Variants in PRDM11 observed in about 807,000 individuals in gnomAD.
The protein encoded by PRDM11 is PR domain-containing protein 11.
In PRDM11, 20 loss-of-function variants were observed where a neutral mutation model predicts 97.8. The observed-to-expected ratio is 0.20, with a 90% CI of 0.14 to 0.30. The LOEUF (loss-of-function observed/expected upper bound fraction) is 0.30. Among genes scored for constraint, PRDM11 ranks in the 10% least tolerant of loss-of-function variants. The pLI, the probability that PRDM11 is intolerant of heterozygous loss-of-function variation, is 1.00. For missense variants in PRDM11, 1,139 were observed against 1,555.2 expected (o/e 0.73, Z 4.50); for synonymous variants, 599 against 637.7 (o/e 0.94, Z 0.91).
At chr11:45,131,071 G>A (rs534425307) in intron 1 of PRDM11, among the ~76,000 whole-genome samples, 1 of 152,288 alleles carries the variant, frequency 6.6e-6, no homozygotes, top group South Asian at 2.1e-4. Flanking sequence ...AGCAAAAAAT[G>A]GAACAAACCT....
rs769570576 is a variant in PRDM11, at chr11:45,182,862, C to T, written c.225C>T (p.Phe75=). 13 of 1,581,022 alleles carry T rather than the reference C, an allele frequency of 8.2e-6. No individual in the cohort carries two copies. The highest frequency in any genetic ancestry group is 1.3e-5 in the African/African-American group (1 of 74,320). ...PKSFQQVDFW[F]CESCQEYFVD... ...TCCCTTCTCTTTCCATCCCTCCAGT[C>T]TGTGAGTCCTGCCAGGAGTACTTCG... The change falls in exon 4 of 8, where the codon TTC becomes TTT. Residue 75 remains phenylalanine, a splice_region_variant and synonymous_variant. Coordinates refer to ENST00000683152, the MANE Select transcript of PRDM11 (RefSeq NM_001384648.1).
At chr11:45,128,133 G>C (rs58195346) in intron 1 of PRDM11, among the ~76,000 whole-genome samples, 1 of 152,174 alleles carries the variant, frequency 6.6e-6, no homozygotes, top group South Asian at 2.1e-4. Context: ...CTCTGTGGGC[G>C]TAGGACCCTC....
intron 1 of PRDM11, among the ~76,000 whole-genome samples, chr11:45,155,335 C>A (rs1203120131): frequency 6.6e-6 from 1 of 152,164 alleles, no homozygotes; most frequent in South Asian, 2.1e-4. Flanking sequence ...TGGGGAGGAG[C>A]CCACCAGACC....
intron 1 of PRDM11, among the ~76,000 whole-genome samples, chr11:45,125,670 T>C (rs1447291523): frequency 6.6e-6 from 1 of 152,246 alleles, no homozygotes; most frequent in African/African-American, 2.4e-5. Flanking sequence ...TTCTTAATCC[T>C]GAGTTCTAGT....
chr11:45,109,233 C>T (rs1437030466), intron 1 of PRDM11, among the ~76,000 whole-genome samples: 3 of 152,196 alleles, frequency 2.0e-5, no homozygotes, highest in Non-Finnish European at 2.9e-5. Context: ...TGAGGAGTGG[C>T]GGTCTCTTGC....
intron 1 of PRDM11, chr11:45,147,377 G>A (rs1250110684): frequency 6.6e-6 from 1 of 152,190 alleles, no homozygotes; most frequent in Admixed American, 6.5e-5. Context: ...CGCGCCGGGG[G>A]CTGCTGCGGG....
intron 4 of PRDM11, among the ~76,000 whole-genome samples, chr11:45,190,123 A>C (rs183637599): frequency 6.6e-6 from 1 of 150,570 alleles, no homozygotes; most frequent in Non-Finnish European, 1.5e-5. Flanking sequence ...CACCACCTAC[A>C]CACACACGTG....
rs765393494 is a variant in PRDM11 at position 45,224,573 on chromosome 11, G to C, written c.1099G>C (p.Val367Leu). 4 of 1,614,002 alleles carry C rather than the reference G, an allele frequency of 2.5e-6. No homozygotes were observed. The South Asian group carries it at 4.4e-5, about 18-fold the overall frequency. The change falls in exon 7 of 8, where the codon GTC (valine) becomes CTC (leucine). Residue 367 changes from valine to leucine, a missense_variant. By Grantham distance (32) the Val-to-Leu change is conservative. Transcript: ENST00000683152. The stretch of plus-strand genomic sequence containing the variant: ...GACCCAGGGGGAGGGGGACTGGAAG[G>C]TCCCCCAGGGGGTCTCCAAGGAGCC... ...GQTQGEGDWK[V>L]PQGVSKEPGQ...
chr11:45,177,137 T>A (rs10742746), intron 1 of PRDM11, among the ~76,000 whole-genome samples: 1 of 152,084 alleles, frequency 6.6e-6, no homozygotes, highest in Admixed American at 6.6e-5. Flanking sequence ...GATCCCCAGT[T>A]CCCTGGCTAC....
intron 1 of PRDM11, among the ~76,000 whole-genome samples, chr11:45,166,266 A>G (rs1308248302): frequency 2.0e-5 from 3 of 152,088 alleles, no homozygotes; most frequent in Non-Finnish European, 4.4e-5. Context: ...AGGCTGTTGT[A>G]TGAGGTGGCA....
At chr11:45,138,776 A>T (rs868147906) in intron 1 of PRDM11, among the ~76,000 whole-genome samples, 2 of 146,986 alleles carry the variant, frequency 1.4e-5, no homozygotes, top group African/African-American at 2.7e-5. Context: ...AAAATCTAAG[A>T]TTTTTTTTTT....
chr11:45,195,111 C>T (rs960196233), intron 4 of PRDM11, among the ~76,000 whole-genome samples: 3 of 151,962 alleles, frequency 2.0e-5, no homozygotes, highest in African/African-American at 7.3e-5. Context: ...TAGGGGGTCA[C>T]TGTTCAAGCA....
At chr11:45,197,119 T>C (rs1189002034) in intron 4 of PRDM11, among the ~76,000 whole-genome samples, 1 of 152,118 alleles carries the variant, frequency 6.6e-6, no homozygotes, top group Non-Finnish European at 1.5e-5. Context: ...AATTTAGGAT[T>C]GTTTGTCAAC....
intron 1 of PRDM11, among the ~76,000 whole-genome samples, chr11:45,168,082 A>G (rs1852110039): frequency 6.6e-6 from 1 of 152,296 alleles, no homozygotes; most frequent in South Asian, 2.1e-4. Context: ...AAGGATTTAG[A>G]TGACTGTTGA....
At chr11:45,175,052 C>G (rs1173932149) in intron 1 of PRDM11, among the ~76,000 whole-genome samples, 1 of 152,200 alleles carries the variant, frequency 6.6e-6, no homozygotes, top group Admixed American at 6.5e-5. Context: ...ATACACCCTG[C>G]CCCCACACAC....
rs139702408 is a variant in PRDM11 at position 45,106,774 on chromosome 11, G to A, written c.96+10873G>A. Among the ~76,000 whole-genome samples the A allele has an allele frequency of 1.4e-4, 22 of 152,306 alleles. No individual in the cohort carries two copies. In the East Asian group the frequency reaches 1.9e-3, roughly 13 times the overall value. ...CAACTGGGTTCTAAGAGTGGATGTCGCAGGAGAGCAAGGCAGAAATGCGTG... is the reference window on the plus strand; with the variant it reads ...CAACTGGGTTCTAAGAGTGGATGTCACAGGAGAGCAAGGCAGAAATGCGTG... On this transcript the variant is annotated intron_variant, in intron 1 of 6. Transcript: ENST00000530656.
chr11:45,216,885 G>A (rs960831190), intron 5 of PRDM11, among the ~76,000 whole-genome samples: 4 of 152,172 alleles, frequency 2.6e-5, no homozygotes, highest in Non-Finnish European at 1.5e-5. Flanking sequence ...ATCCCAGATA[G>A]GAATGTATTT....
At chr11:45,225,054 G>A (rs529003522) in intron 7 of PRDM11, 1 of 1,443,108 alleles carries the variant, frequency 6.9e-7, no homozygotes, top group East Asian at 2.5e-5. Context: ...TGTTGCCCTT[G>A]TATCCTCCTT....
chr11:45,129,980 C>T (rs1116961), intron 1 of PRDM11, among the ~76,000 whole-genome samples: 65,872 of 151,982 alleles, frequency 0.43, 17,279 homozygotes, highest in Non-Finnish European at 0.58. Flanking sequence ...CCCACACTTA[C>T]ATGGTCAACT....
Sources: gnomAD v4.1 joint callset for allele counts (sites outside exome capture counted in the v4.1 genomes callset) on GRCh38, gnomAD v4.1.1 for gene constraint, MANE v1.5 for transcripts, NCBI Gene and HGNC (gene_info 2026-07-23, HGNC 2026-07-21) for gene names.